The following TTC6 variants were observed in gnomAD, a reference collection of about 807,000 sequenced individuals.
TTC6 encodes tetratricopeptide repeat protein 6.
A neutral mutation model predicts 210.4 loss-of-function variants in TTC6; 172 were observed. That is an observed-to-expected ratio of 0.82 (90% CI 0.72 to 0.93). TTC6 has a LOEUF of 0.93. Ranked by LOEUF, TTC6 falls within the 40% of genes least tolerant of loss-of-function variation. TTC6 has a pLI of 0.00. For synonymous variants in TTC6, 804 were observed against 819.6 expected (o/e 0.98, Z 0.32); for missense variants, 2,414 against 2,318.1 (o/e 1.04, Z -0.85).
chr14:37,640,137 T>A (rs974886849), intron 1 of TTC6, among the ~76,000 whole-genome samples: 3 of 152,152 alleles, frequency 2.0e-5, no homozygotes, highest in East Asian at 1.9e-4. Flanking sequence ...CATGAGAGTG[T>A]TTTTTTCAAG....
At chr14:37,677,229 A>G (rs2095771941) in intron 1 of TTC6, among the ~76,000 whole-genome samples, 1 of 151,782 alleles carries the variant, frequency 6.6e-6, no homozygotes, top group African/African-American at 2.4e-5. Context: ...GACTTCTTTA[A>G]TTTCTTTCAG....
intron 1 of TTC6, among the ~76,000 whole-genome samples, chr14:37,604,258 G>A (rs930588606): frequency 6.6e-6 from 1 of 152,166 alleles, no homozygotes. Flanking sequence ...GACTGGTGGA[G>A]CTACTCTCCA....
intron 14 of TTC6, among the ~76,000 whole-genome samples, chr14:37,764,249 G>C (rs997679346): frequency 2.6e-5 from 4 of 152,160 alleles, no homozygotes; most frequent in Admixed American, 6.5e-5. Flanking sequence ...GTACTCAGCT[G>C]TTGTTAGATG....
At chr14:37,711,326 C>T (rs550154350) in intron 5 of TTC6, among the ~76,000 whole-genome samples, 8 of 151,206 alleles carry the variant, frequency 5.3e-5, no homozygotes, top group East Asian at 1.9e-4. Flanking sequence ...AAAAGGCATA[C>T]GGAATAGAAT....
chr14:37,622,211 C>A (rs1455882079), exon 1 of TTC6: 1 of 1,535,454 alleles, frequency 6.5e-7, no homozygotes, highest in African/African-American at 1.4e-5. Context: ...TAGATGAAAG[C>A]CCAGTCCACA....
chr14:37,702,513 T>C (rs1458901406), intron 5 of TTC6, among the ~76,000 whole-genome samples: 1 of 152,148 alleles, frequency 6.6e-6, no homozygotes, highest in African/African-American at 2.4e-5. Flanking sequence ...CACCTGCCCA[T>C]TGAGAATGCT....
At chr14:37,703,432 A>G (rs960939141) in intron 5 of TTC6, among the ~76,000 whole-genome samples, 6 of 152,162 alleles carry the variant, frequency 3.9e-5, no homozygotes, top group African/African-American at 1.4e-4. Flanking sequence ...CTTGCTAAAC[A>G]TAGCTTAACC....
At chr14:37,801,938 T>C (rs2096107569) in intron 20 of TTC6, among the ~76,000 whole-genome samples, 1 of 152,198 alleles carries the variant, frequency 6.6e-6, no homozygotes, top group Admixed American at 6.5e-5. Context: ...CAAAGATACA[T>C]GCATGTGTAT....
In TTC6 at chr14:37,753,279, T is replaced by C. The variant is rs1039033908; in HGVS notation, c.3266+44T>C. 2.1e-5 allele frequency: 30 copies of C among 1,438,050 alleles called. No individual in the cohort carries two copies. The African/African-American group carries it at 4.0e-4, about 19-fold the overall frequency. 89.1% of individuals were successfully genotyped at this position (1,438,050 alleles called of 1,614,324 possible). ...GTCGTTTTAAAATTATTACTATTAT[T>C]TGAAATACATTTTCAGAACAGAAAA... On this transcript the variant is annotated intron_variant, in intron 14 of 30. Coordinates refer to ENST00000553443, the Ensembl canonical transcript of TTC6.
intron 7 of TTC6, among the ~76,000 whole-genome samples, chr14:37,735,024 A>G (rs1446556359): frequency 6.6e-6 from 1 of 152,166 alleles, no homozygotes; most frequent in Non-Finnish European, 1.5e-5. Context: ...TTGTTTTTAA[A>G]GAATAATGAT....
intron 7 of TTC6, among the ~76,000 whole-genome samples, chr14:37,735,552 G>A (rs2095899357): frequency 6.6e-6 from 1 of 152,154 alleles, no homozygotes; most frequent in Non-Finnish European, 1.5e-5. Context: ...GAATATTCAT[G>A]TGTTGACAAG....
intron 8 of TTC6, among the ~76,000 whole-genome samples, chr14:37,736,274 C>G (rs2095901407): frequency 1.3e-5 from 2 of 152,026 alleles, no homozygotes; most frequent in Non-Finnish European, 2.9e-5. Context: ...TGTATCTCAG[C>G]TACTTAGGGG....
chr14:37,809,306 G>A (rs973684703), intron 24 of TTC6, among the ~76,000 whole-genome samples: 5 of 136,582 alleles, frequency 3.7e-5, no homozygotes, highest in Non-Finnish European at 6.1e-5. Flanking sequence ...AGGCTGGAGC[G>A]CAGTGGCGTG....
At chr14:37,661,224 CA>C (rs1436505192) in intron 1 of TTC6, among the ~76,000 whole-genome samples, 1 of 152,098 alleles carries the variant, frequency 6.6e-6, no homozygotes, top group African/African-American at 2.4e-5. Context: ...GCTTTTGTTG[CA>C]ATTGCTTTTC....
chr14:37,622,229 T>C, exon 1 of TTC6: 1 of 1,535,450 alleles, frequency 6.5e-7, no homozygotes, highest in Non-Finnish European at 8.7e-7. Flanking sequence ...ACAGCCTCCA[T>C]GCCCCCGGCC....
At chr14:37,822,426 T>C (rs1281677775) in intron 26 of TTC6, among the ~76,000 whole-genome samples, 1 of 152,128 alleles carries the variant, frequency 6.6e-6, no homozygotes, top group Non-Finnish European at 1.5e-5. Flanking sequence ...TATCCTGGGC[T>C]CCATGTATTT....
At chr14:37,679,864 A>G (rs2095779230) in intron 1 of TTC6, among the ~76,000 whole-genome samples, 1 of 151,712 alleles carries the variant, frequency 6.6e-6, no homozygotes, top group Non-Finnish European at 1.5e-5. Context: ...CTACTTTTGT[A>G]TTTTTACTAG....
At chr14:37,838,125 C>G (rs777905350) in intron 29 of TTC6, among the ~76,000 whole-genome samples, 2 of 152,168 alleles carry the variant, frequency 1.3e-5, no homozygotes, top group Non-Finnish European at 2.9e-5. Context: ...AAGTGACTCT[C>G]TCTTTAAGGT....
intron 14 of TTC6, among the ~76,000 whole-genome samples, chr14:37,756,102 CTT>C (rs1304553491): frequency 6.6e-6 from 1 of 152,116 alleles, no homozygotes; most frequent in Non-Finnish European, 1.5e-5. Flanking sequence ...ATTTTATTCT[CTT>C]TGTAGCAATT....
Sources: allele counts gnomAD v4.1 joint callset (sites outside exome capture counted in the v4.1 genomes callset), GRCh38; gene constraint gnomAD v4.1.1; transcripts MANE v1.5; gene names NCBI Gene and HGNC (gene_info 2026-07-23, HGNC 2026-07-21).